The following ELN variants were observed in gnomAD, a reference collection of about 807,000 sequenced individuals.
ELN encodes elastin.
ELN carries 65 observed loss-of-function variants against 105.8 expected under a neutral mutation model. The ratio of observed to expected loss-of-function variants is 0.61; its 90% CI spans 0.50 to 0.75. The LOEUF (loss-of-function observed/expected upper bound fraction) is 0.75, where lower values mean the gene tolerates loss of function less well. Ranked by LOEUF, ELN falls within the 30% of genes least tolerant of loss-of-function variation. The pLI, the probability that ELN is intolerant of heterozygous loss-of-function variation, is 0.00. For synonymous variants in ELN, 368 were observed against 389.2 expected (o/e 0.95, Z 0.64); for missense variants, 882 against 969.4 (o/e 0.91, Z 1.20).
At chr7:74,047,101 A>G (rs1792752409) in intron 12 of ELN, among the ~76,000 whole-genome samples, 1 of 119,148 alleles carries the variant, frequency 8.4e-6, no homozygotes, top group Non-Finnish European at 1.7e-5. Flanking sequence ...GAAAAAGAAG[A>G]AAAAAAAAAT....
At position 74,051,945 on chromosome 7, in the gene ELN, C is replaced by G. The variant is rs782120466; in HGVS notation, c.911C>G (p.Ala304Gly). The G allele has an allele frequency of 3.7e-6, 6 of 1,612,846 alleles. No individual in the cohort carries two copies. Among genetic ancestry groups the G allele is most frequent in the Non-Finnish European group, 5.1e-6 (6 of 1,179,926 alleles). ...TCAGGCGTTGGGACTCCAGCTGCAGCTGCAGCTGCAGCAGCAGCCGCTAAG... is the reference window on the plus strand; with the variant it reads ...TCAGGCGTTGGGACTCCAGCTGCAGGTGCAGCTGCAGCAGCAGCCGCTAAG... The part of the protein sequence containing the change: ...GIAGVGTPAA[A>G]AAAAAAAKAA... Residue 304 changes from alanine (A) to glycine (G), a missense_variant, in exon 17 of 33, where the codon GCT (alanine) becomes GGT (glycine). Transcript: ENST00000252034.
chr7:74,057,245 A>T (rs1221321643), intron 21 of ELN: 2 of 548,324 alleles, frequency 3.6e-6, no homozygotes, highest in Admixed American at 4.3e-5. Flanking sequence ...CTCTAAAAAT[A>T]AAAAAAAAAG....
At chr7:74,036,814 C>CT (rs1190242639) in intron 3 of ELN, among the ~76,000 whole-genome samples, 6 of 151,966 alleles carry the variant, frequency 3.9e-5, no homozygotes, top group East Asian at 1.9e-4. Flanking sequence ...CCTATTTCTT[C>CT]TTTTTTTTGG....
At chr7:74,061,235 G>A (rs181109758) in intron 26 of ELN, 96 bp downstream of exon 26, 98 of 1,520,368 alleles carry the variant, frequency 6.4e-5, no homozygotes, top group African/African-American at 6.3e-4. Flanking sequence ...AGGCAGTTTC[G>A]GCCGGGCGTG....
chr7:74,049,132 T>C (rs1448692929), intron 15 of ELN, among the ~76,000 whole-genome samples: 4 of 131,424 alleles, frequency 3.0e-5, no homozygotes, highest in African/African-American at 1.2e-4. Context: ...TCCATCCATC[T>C]GTCCACACAT....
At chr7:74,064,927 C>T (rs1305822372) in intron 29 of ELN, among the ~76,000 whole-genome samples, 1 of 152,084 alleles carries the variant, frequency 6.6e-6, no homozygotes, top group African/African-American at 2.4e-5. Flanking sequence ...AGACCAGACA[C>T]ACAGTAGGAG....
chr7:74,039,570 A>G (rs1444821130), intron 4 of ELN, among the ~76,000 whole-genome samples: 2 of 152,224 alleles, frequency 1.3e-5, no homozygotes, highest in Non-Finnish European at 2.9e-5. Flanking sequence ...CGTGGGCGCC[A>G]CCACAGGTCC....
intron 19 of ELN, among the ~76,000 whole-genome samples, chr7:74,055,420 A>G (rs1189244156): frequency 6.6e-6 from 1 of 151,990 alleles, no homozygotes; most frequent in Non-Finnish European, 1.5e-5. Flanking sequence ...TAAAATAAAA[A>G]TAAAAATAAA....
chr7:74,058,189 C>T (rs1795765137), intron 22 of ELN, among the ~76,000 whole-genome samples: 1 of 150,268 alleles, frequency 6.7e-6, no homozygotes, highest in Non-Finnish European at 1.5e-5. Flanking sequence ...CCTCCTCCTC[C>T]TGCTTCTCCT....
intron 29 of ELN, among the ~76,000 whole-genome samples, chr7:74,064,934 G>A (rs1797611923): frequency 6.6e-6 from 1 of 152,058 alleles, no homozygotes. Context: ...ACACACAGTA[G>A]GAGCTTAACA....
chr7:74,036,050 G>T (rs1789861812), intron 2 of ELN, among the ~76,000 whole-genome samples: 1 of 152,086 alleles, frequency 6.6e-6, no homozygotes, highest in South Asian at 2.1e-4. Context: ...CAGCACTTTG[G>T]GAGGCTGAGG....
At chr7:74,052,615 CAGGAAGGAAGGAAGGA>C (rs532589953) in intron 17 of ELN, 1 of 141,236 alleles carries the variant, frequency 7.1e-6, no homozygotes, top group Non-Finnish European at 1.3e-5. Context: ...AAGAGAGAGA[CAGGAAGGAAGGAAGGA>C]AGGAAGGAAA....
intron 17 of ELN, chr7:74,052,879 G>GAA: frequency 1.2e-5 from 6 of 493,926 alleles, no homozygotes; most frequent in South Asian, 1.1e-4. Flanking sequence ...GAAAGAGAGA[G>GAA]AGAGAGAGAG....
chr7:74,063,244 GGGGCA>G lies in ELN; in HGVS notation c.1858+24_1858+28del. 6.2e-7 allele frequency: 1 copy of G among 1,600,326 alleles called. No homozygotes were observed. The highest frequency in any genetic ancestry group is 1.1e-5 in the South Asian group (1 of 87,768). ...TGGTGGGTGAGTTGAAACCCCAGGA[GGGGCA>G]GGGTGGGGAGGGAATCTAACCAGTA... On this transcript the variant is annotated intron_variant, in intron 27 of 32. Transcript: ENST00000252034. This position sits in a 1 kb window ranked among gnomAD's most constrained non-coding sequence, Gnocchi z 4.1.
chr7:74,038,496 C>T (rs1790470853), intron 4 of ELN, among the ~76,000 whole-genome samples: 1 of 152,232 alleles, frequency 6.6e-6, no homozygotes, highest in South Asian at 2.1e-4. Flanking sequence ...CCTGGCCTCG[C>T]CCAAGGGGCT....
chr7:74,039,679 C>A (rs964793842), intron 4 of ELN, among the ~76,000 whole-genome samples: 2 of 152,268 alleles, frequency 1.3e-5, no homozygotes, highest in Non-Finnish European at 2.9e-5. Context: ...CAGCCGCCCA[C>A]TGAGAGGGGC....
At chr7:74,057,253 A>G (rs1795447679) in intron 21 of ELN, 2 of 785,992 alleles carry the variant, frequency 2.5e-6, no homozygotes, top group Non-Finnish European at 3.7e-6. Flanking sequence ...ATAAAAAAAA[A>G]AGAAAAAGAA....
intron 2 of ELN, among the ~76,000 whole-genome samples, chr7:74,036,009 G>C (rs1789847578): frequency 6.6e-6 from 1 of 152,034 alleles, no homozygotes; most frequent in South Asian, 2.1e-4. Context: ...AAGTATTTGA[G>C]GCCAGGCACG....
intron 4 of ELN, 143 bp downstream of exon 4, chr7:74,037,882 G>A (rs974301466): frequency 2.7e-5 from 34 of 1,261,158 alleles, no homozygotes; most frequent in East Asian, 5.2e-5. Flanking sequence ...TGTGGACACC[G>A]ATTAGCCTCC....
Sources: allele counts gnomAD v4.1 joint callset (sites outside exome capture counted in the v4.1 genomes callset), GRCh38; gene constraint gnomAD v4.1.1; non-coding constraint Gnocchi (gnomAD v3.1); transcripts MANE v1.5; gene names NCBI Gene and HGNC (gene_info 2026-07-23, HGNC 2026-07-21).